The following MAGEE1 variants were observed in gnomAD, a reference collection of about 807,000 sequenced individuals.
MAGEE1 encodes MAGE family member E1.
A neutral mutation model predicts 12.0 loss-of-function variants in MAGEE1; 3 were observed. The observed-to-expected ratio is 0.25, with a 90% CI of 0.11 to 0.65. MAGEE1 has a LOEUF of 0.65. Ranked by LOEUF, MAGEE1 falls within the 30% of genes least tolerant of loss-of-function variation. The pLI is 0.84. For missense variants in MAGEE1, 729 were observed against 772.2 expected, an observed-to-expected ratio of 0.94 and a Z score of 0.66; for synonymous variants, 414 against 326.1, an observed-to-expected ratio of 1.27 and a Z score of -2.91.
Position 76,428,794 on chromosome X carries a change from C to T in MAGEE1, c.864C>T (p.Arg288=), listed in dbSNP as rs782817375. The T allele has an allele frequency of 7.5e-6, 9 of 1,203,151 alleles. No homozygotes were observed. In the East Asian group the frequency reaches 9.0e-5, roughly 12 times the overall value. ...AAAGCATCTCCTTGGTGCCCACCCG[C>T]GGTAAGGGATCAAGCACCTCCGTGC... ...DGQSISLVPT[R]GKGSSTSVPP... is the part of the protein sequence containing the mutation. The change falls in exon 1 of 1, where the codon CGC becomes CGT. Residue 288 remains arginine, a synonymous_variant. Coordinates refer to ENST00000361470, the MANE Select transcript of MAGEE1 (RefSeq NM_020932.3).
rs375736032 is a variant in MAGEE1 at position 76,428,188 on chromosome X, G to A, written c.258G>A (p.Glu86=). The change falls in exon 1 of 1, where the codon GAG becomes GAA. Residue 86 remains glutamate, a synonymous_variant. Transcript: ENST00000361470. ...CCTTTGTGCCGCCCACCATCTCTGA[G>A]GCCTCAAGCGCCTCCGGGCAGCCCA... is the stretch of plus-strand genomic sequence containing the variant. The part of the protein sequence containing the change: ...PSTFVPPTIS[E]ASSASGQPTI... 1.7e-6 allele frequency: 2 copies of A among 1,208,644 alleles called. No homozygotes were observed. The highest frequency in any genetic ancestry group is 2.2e-6 in the Non-Finnish European group (2 of 894,312).
At position 76,428,331 on chromosome X, in the gene MAGEE1, A is replaced by C. The variant is rs782715570; in HGVS notation, c.401A>C (p.Glu134Ala). The C allele has an allele frequency of 2.5e-6, 3 of 1,211,376 alleles. No individual in the cohort carries two copies. In the East Asian group the frequency reaches 8.9e-5, roughly 36 times the overall value. The change falls in exon 1 of 1, where the codon GAG becomes GCG. Residue 134 changes from glutamate (E) to alanine (A), a missense_variant. Glu to Ala is a moderately radical substitution (Grantham distance 107, BLOSUM62 -1). Around this residue, in one of 4 missense-constraint regions of MAGEE1, gnomAD observed 473 missense variants for 423.7 expected, o/e 1.12. Transcript: ENST00000361470. Reference protein sequence around the residue: ...LCTSVTLAASEGRNTSRPPTS... With the variant: ...LCTSVTLAASAGRNTSRPPTS... ...ACCTCTGTGACGCTTGCCGCCTCTG[A>C]GGGCCGGAACACCTCCAGGCCGCCC...
In MAGEE1 at chrX:76,429,183, C is replaced by G; in HGVS notation, c.1253C>G (p.Ser418Cys). ...PGEGPSTLFS[S>C]SASVDRNPSK... ...GAGGGCCCGAGCACATTGTTTAGCT[C>G]TAGTGCTTCTGTGGACCGGAACCCC... Residue 418 changes from serine (S) to cysteine (C), a missense_variant, in exon 1 of 1, where the codon TCT becomes TGT. Physicochemically the swap from Ser to Cys is moderately radical, Grantham distance 112. Transcript: ENST00000361470. 1 of 1,212,237 alleles carries G rather than the reference C, an allele frequency of 8.2e-7. No individual in the cohort carries two copies. The highest frequency in any genetic ancestry group is 1.1e-6 in the Non-Finnish European group (1 of 895,590).
At position 76,429,144 on chromosome X, in the gene MAGEE1, T is replaced by A. The variant is rs868980703; in HGVS notation, c.1214T>A (p.Leu405Gln). The change falls in exon 1 of 1, where the codon CTG (leucine) becomes CAG (glutamine). Residue 405 changes from leucine (L) to glutamine (Q), a missense_variant. Leu to Gln is a moderately radical substitution (Grantham distance 113). Around this residue, in one of 4 missense-constraint regions of MAGEE1, gnomAD observed 473 missense variants for 423.7 expected, o/e 1.12. Transcript: ENST00000361470. Reference sequence around the variant, plus strand: ...CCTGACGGACCGGGAAGCTCCGTGCTGCCTAACCCTGGTGAGGGCCCGAGC... The same window carrying A: ...CCTGACGGACCGGGAAGCTCCGTGCAGCCTAACCCTGGTGAGGGCCCGAGC... Reference protein sequence around the residue: ...TAPDGPGSSVLPNPGEGPSTL... With the variant: ...TAPDGPGSSVQPNPGEGPSTL... The A allele has an allele frequency of 4.1e-6, 5 of 1,210,785 alleles. No homozygotes were observed. Among genetic ancestry groups the A allele is most frequent in the Non-Finnish European group, 4.5e-6 (4 of 895,171 alleles).
In MAGEE1 at chrX:76,430,060, G is replaced by C. The variant is rs782528623; in HGVS notation, c.2130G>C (p.Arg710Ser). ...AEGWQALPHF[R>S]RPFFEEAAAE... Reference sequence around the variant, plus strand: ...GTTGGCAGGCTCTCCCTCACTTTAGGAGGCCCTTTTTTGAGGAAGCTGCTG... The same window carrying C: ...GTTGGCAGGCTCTCCCTCACTTTAGCAGGCCCTTTTTTGAGGAAGCTGCTG... The change falls in exon 1 of 1, where the codon AGG (arginine) becomes AGC (serine). Residue 710 changes from arginine to serine, a missense_variant. By Grantham distance (110) the Arg-to-Ser change is moderately radical (BLOSUM62 -1). Coordinates refer to ENST00000361470, the MANE Select transcript of MAGEE1 (RefSeq NM_020932.3). The C allele has an allele frequency of 8.3e-7, 1 of 1,209,625 alleles. No individual in the cohort carries two copies. Among genetic ancestry groups the C allele is most frequent in the Non-Finnish European group, 1.1e-6 (1 of 894,330 alleles).
At position 76,430,208 on chromosome X, in the gene MAGEE1, G is replaced by A; in HGVS notation, c.2278G>A (p.Asp760Asn). The change falls in exon 1 of 1, where the codon GAT (aspartate) becomes AAT (asparagine). Residue 760 changes from aspartate (D) to asparagine (N), a missense_variant. Coordinates refer to ENST00000361470, the MANE Select transcript of MAGEE1 (RefSeq NM_020932.3). ...GCTGGTGCAGTTATTTCTGCTTATG[G>A]ATTCAACTAAGCTGCCTATACCAAA... ...RKLVQLFLLMDSTKLPIPKKG... is the reference protein window; with the variant it reads ...RKLVQLFLLMNSTKLPIPKKG... 3 of 1,211,772 alleles carry A rather than the reference G, an allele frequency of 2.5e-6. No individual in the cohort carries two copies. The highest frequency in any genetic ancestry group is 3.3e-6 in the Non-Finnish European group (3 of 895,526).
Position 76,428,381 on chromosome X carries a change from T to G in MAGEE1, c.451T>G (p.Ser151Ala). The change falls in exon 1 of 1, where the codon TCC (serine) becomes GCC (alanine). Residue 151 changes from serine to alanine, a missense_variant. By Grantham distance (99) the Ser-to-Ala change is moderately conservative. Coordinates refer to ENST00000361470, the MANE Select transcript of MAGEE1 (RefSeq NM_020932.3). ...PPTSSEEPST[S>A]VPPTASEVPS... ...CACTTCCTCTGAGGAACCTAGCACC[T>G]CCGTGCCGCCCACCGCCTCTGAGGT... 1 of 1,210,982 alleles carries G rather than the reference T, an allele frequency of 8.3e-7. No individual in the cohort carries two copies. Among genetic ancestry groups the G allele is most frequent in the Non-Finnish European group, 1.1e-6 (1 of 895,294 alleles).
Position 76,430,081 on chromosome X carries a change from T to A in MAGEE1, c.2151T>A (p.Ala717=). 1 of 1,211,364 alleles carries A rather than the reference T, an allele frequency of 8.3e-7. No individual in the cohort carries two copies. Among genetic ancestry groups the A allele is most frequent in the Middle Eastern group, 2.3e-4 (1 of 4,351 alleles). Residue 717 remains alanine, a synonymous_variant, in exon 1 of 1, where the codon GCT becomes GCA. Transcript: ENST00000361470. ...TTAGGAGGCCCTTTTTTGAGGAAGC[T>A]GCTGCAGAGGTACCATCCCCTGATT... ...PHFRRPFFEE[A]AAEVPSPDSE...
At position 76,430,046 on chromosome X, in the gene MAGEE1, C is replaced by G; in HGVS notation, c.2116C>G (p.Leu706Val). Residue 706 changes from leucine (L) to valine (V), a missense_variant, in exon 1 of 1, where the codon CTC becomes GTC. Physicochemically the swap from Leu to Val is conservative, Grantham distance 32. This residue lies in a region of MAGEE1 where 64 missense variants were observed against 53.4 expected (regional missense o/e 1.20). Transcript: ENST00000361470. ...ARAFAEGWQA[L>V]PHFRRPFFEE... is the part of the protein sequence containing the mutation. ...AGCCTTTGCTGAGGGTTGGCAGGCT[C>G]TCCCTCACTTTAGGAGGCCCTTTTT... 2 of 1,209,103 alleles carry G rather than the reference C, an allele frequency of 1.7e-6. No homozygotes were observed. Among genetic ancestry groups the G allele is most frequent in the South Asian group, 1.8e-5 (1 of 56,537 alleles).
At position 76,428,802 on chromosome X, in the gene MAGEE1, G is replaced by T. The variant is rs1556839452; in HGVS notation, c.872G>T (p.Gly291Val). The T allele has an allele frequency of 8.3e-7, 1 of 1,208,595 alleles. No individual in the cohort carries two copies. Among genetic ancestry groups the T allele is most frequent in the Non-Finnish European group, 1.1e-6 (1 of 894,418 alleles). ...TCCTTGGTGCCCACCCGCGGTAAGG[G>T]ATCAAGCACCTCCGTGCCCCCCACC... ...SISLVPTRGK[G>V]SSTSVPPTAT... Residue 291 changes from glycine (G) to valine (V), a missense_variant, in exon 1 of 1, where the codon GGA (glycine) becomes GTA (valine). Gly to Val is a moderately radical substitution (Grantham distance 109). Around this residue, in one of 4 missense-constraint regions of MAGEE1, gnomAD observed 473 missense variants for 423.7 expected, o/e 1.12. Transcript: ENST00000361470.
At position 76,428,502 on chromosome X, in the gene MAGEE1, C is replaced by A. The variant is rs782456206; in HGVS notation, c.572C>A (p.Thr191Asn). The change falls in exon 1 of 1, where the codon ACC becomes AAC. Residue 191 changes from threonine to asparagine, a missense_variant. Thr to Asn is a moderately conservative substitution (Grantham distance 65). Around this residue, in one of 4 missense-constraint regions of MAGEE1, gnomAD observed 473 missense variants for 423.7 expected, o/e 1.12. Coordinates refer to ENST00000361470, the MANE Select transcript of MAGEE1 (RefSeq NM_020932.3). ...YEGPSTSVVPTPDEGPSTSVL... is the reference protein window; with the variant it reads ...YEGPSTSVVPNPDEGPSTSVL... ...GGACCAAGCACCTCCGTGGTGCCCA[C>A]CCCTGATGAGGGACCAAGCACCTCC... The A allele has an allele frequency of 1.7e-6, 2 of 1,210,419 alleles. No individual in the cohort carries two copies. Among genetic ancestry groups the A allele is most frequent in the Non-Finnish European group, 2.2e-6 (2 of 895,041 alleles).
Position 76,427,782 on chromosome X carries a change from G to C in MAGEE1, c.-149G>C. On this transcript the variant is annotated 5_prime_UTR_variant, in exon 1 of 1. Coordinates refer to ENST00000361470, the MANE Select transcript of MAGEE1 (RefSeq NM_020932.3). ...ACCTCTAATTTCAGCTTCAGCAGTT[G>C]CTTGGAACTTTGGTTCTGGCAGCAG... The C allele has an allele frequency of 6.2e-6, 4 of 640,462 alleles. No homozygotes were observed. Among genetic ancestry groups the C allele is most frequent in the Non-Finnish European group, 9.6e-6 (4 of 414,636 alleles). 52.8% of individuals were successfully genotyped at this position (640,462 alleles called of 1,213,427 possible).
rs782312216 is a variant in MAGEE1 at position 76,429,201 on chromosome X, G to C, written c.1271G>C (p.Arg424Pro). 3.3e-6 allele frequency: 4 copies of C among 1,210,779 alleles called. No homozygotes were observed. Among genetic ancestry groups the C allele is most frequent in the Non-Finnish European group, 3.4e-6 (3 of 895,307 alleles). The change falls in exon 1 of 1, where the codon CGG (arginine) becomes CCG (proline). Residue 424 changes from arginine to proline, a missense_variant. By Grantham distance (103) the Arg-to-Pro change is moderately radical. Around this residue, in one of 4 missense-constraint regions of MAGEE1, gnomAD observed 473 missense variants for 423.7 expected, o/e 1.12. Transcript: ENST00000361470. ...TLFSSSASVD[R>P]NPSKCSLVLP... Reference sequence around the variant, plus strand: ...TTTAGCTCTAGTGCTTCTGTGGACCGGAACCCCTCCAAGTGTTCCCTTGTT... The same window carrying C: ...TTTAGCTCTAGTGCTTCTGTGGACCCGAACCCCTCCAAGTGTTCCCTTGTT...
chrX:76,427,967 C>T lies in MAGEE1; in HGVS notation c.37C>T (p.Arg13Cys), dbSNP rs1198338301. 1.7e-6 allele frequency: 2 copies of T among 1,202,469 alleles called. No individual in the cohort carries two copies. Reference protein sequence around the residue: ...LVSQNSRRRRRRVAKATAHNS... With the variant: ...LVSQNSRRRRCRVAKATAHNS... ...AAGCCAGAATTCGCGCCGCCGCCGCCGCCGCGTTGCAAAGGCTACTGCGCA... is the reference window on the plus strand; with the variant it reads ...AAGCCAGAATTCGCGCCGCCGCCGCTGCCGCGTTGCAAAGGCTACTGCGCA... The change falls in exon 1 of 1, where the codon CGC (arginine) becomes TGC (cysteine). Residue 13 changes from arginine to cysteine, a missense_variant. Arg to Cys is a radical substitution (Grantham distance 180, BLOSUM62 -3). Coordinates refer to ENST00000361470, the MANE Select transcript of MAGEE1 (RefSeq NM_020932.3).
Position 76,430,643 on chromosome X carries a change from G to A in MAGEE1, c.2713G>A (p.Ala905Thr). ...VQYEFVWGPR[A>T]RLETSKMKAL... is the part of the protein sequence containing the mutation. Reference sequence around the variant, plus strand: ...ATATGAGTTTGTATGGGGTCCTAGAGCCCGTTTGGAAACCTCTAAGATGAA... The same window carrying A: ...ATATGAGTTTGTATGGGGTCCTAGAACCCGTTTGGAAACCTCTAAGATGAA... The change falls in exon 1 of 1, where the codon GCC (alanine) becomes ACC (threonine). Residue 905 changes from alanine (A) to threonine (T), a missense_variant. Transcript: ENST00000361470. 1 of 1,211,565 alleles carries A rather than the reference G, an allele frequency of 8.3e-7. No individual in the cohort carries two copies. Among genetic ancestry groups the A allele is most frequent in the Non-Finnish European group, 1.1e-6 (1 of 895,502 alleles).
Position 76,429,353 on chromosome X carries a change from G to A in MAGEE1, c.1423G>A (p.Gly475Ser). 1 of 1,211,353 alleles carries A rather than the reference G, an allele frequency of 8.3e-7. No individual in the cohort carries two copies. The change falls in exon 1 of 1, where the codon GGC becomes AGC. Residue 475 changes from glycine (G) to serine (S), a missense_variant. Gly to Ser is a moderately conservative substitution (Grantham distance 56, BLOSUM62 0). Around this residue, in one of 4 missense-constraint regions of MAGEE1, gnomAD observed 473 missense variants for 423.7 expected, o/e 1.12. Coordinates refer to ENST00000361470, the MANE Select transcript of MAGEE1 (RefSeq NM_020932.3). ...GAGCCCCAACTCCATTAGTATTATGGGCCTCAATACTTCCCGGGTTGCAAT... is the reference window on the plus strand; with the variant it reads ...GAGCCCCAACTCCATTAGTATTATGAGCCTCAATACTTCCCGGGTTGCAAT... ...CESPNSISIMGLNTSRVAITL... is the reference protein window; with the variant it reads ...CESPNSISIMSLNTSRVAITL...
At position 76,429,071 on chromosome X, in the gene MAGEE1, C is replaced by T; in HGVS notation, c.1141C>T (p.Pro381Ser). Residue 381 changes from proline (P) to serine (S), a missense_variant, in exon 1 of 1, where the codon CCG (proline) becomes TCG (serine). Pro to Ser is a moderately conservative substitution (Grantham distance 74, BLOSUM62 -1). Transcript: ENST00000361470. ...TASDGSDTSV[P>S]PTPGEGASTL... The stretch of plus-strand genomic sequence containing the variant: ...CTCTGATGGATCGGACACCTCCGTG[C>T]CGCCCACTCCTGGTGAGGGCGCAAG... 2 of 1,211,899 alleles carry T rather than the reference C, an allele frequency of 1.7e-6. No individual in the cohort carries two copies. Among genetic ancestry groups the T allele is most frequent in the African/African-American group, 3.4e-5 (2 of 58,099 alleles).
chrX:76,429,330 G>A lies in MAGEE1; in HGVS notation c.1400G>A (p.Ser467Asn). The A allele has an allele frequency of 1.7e-6, 2 of 1,211,410 alleles. No homozygotes were observed. Among genetic ancestry groups the A allele is most frequent in the Non-Finnish European group, 2.2e-6 (2 of 895,392 alleles). ...IEFEVLRDCE[S>N]PNSISIMGLN... ...TTCGAGGTCCTGAGAGACTGTGAGA[G>A]CCCCAACTCCATTAGTATTATGGGC... The change falls in exon 1 of 1, where the codon AGC becomes AAC. Residue 467 changes from serine to asparagine, a missense_variant. By Grantham distance (46) the Ser-to-Asn change is conservative. Around this residue, in one of 4 missense-constraint regions of MAGEE1, gnomAD observed 473 missense variants for 423.7 expected, o/e 1.12. Coordinates refer to ENST00000361470, the MANE Select transcript of MAGEE1 (RefSeq NM_020932.3).
In MAGEE1 at chrX:76,430,372, G is replaced by A; in HGVS notation, c.2442G>A (p.Leu814=). The A allele has an allele frequency of 8.3e-7, 1 of 1,211,850 alleles. No homozygotes were observed. Among genetic ancestry groups the A allele is most frequent in the Non-Finnish European group, 1.1e-6 (1 of 895,565 alleles). The change falls in exon 1 of 1, where the codon CTG becomes CTA. Residue 814 remains leucine (L), a synonymous_variant. Transcript: ENST00000361470. The stretch of plus-strand genomic sequence containing the variant: ...ATCCCAGGAATCACTCCTATACTCT[G>A]TACAACCGAAGGGAGATGGAAGAAA... ...VLDPRNHSYT[L]YNRREMEETE...
Sources: allele counts gnomAD v4.1 joint callset, GRCh38; gene constraint gnomAD v4.1.1; regional missense constraint gnomAD v4.1.1; transcripts MANE v1.5; gene names NCBI Gene and HGNC (gene_info 2026-07-23, HGNC 2026-07-21).